ZBTB7C: variants seen among roughly 807,000 people sequenced by gnomAD.
ZBTB7C encodes zinc finger and BTB domain containing 7C, also known as zinc finger and BTB domain-containing protein 7C.
ZBTB7C carries 8 observed loss-of-function variants against 25.7 expected under a neutral mutation model. That is an observed-to-expected ratio of 0.31 (90% CI 0.18 to 0.56). The LOEUF is 0.56. Ranked by LOEUF, ZBTB7C falls within the 20% of genes least tolerant of loss-of-function variation. The pLI, the probability that ZBTB7C is intolerant of heterozygous loss-of-function variation, is 0.91. For synonymous variants in ZBTB7C, 394 were observed against 369.0 expected, an observed-to-expected ratio of 1.07 and a Z score of -0.78; for missense variants, 824 against 855.2, an observed-to-expected ratio of 0.96 and a Z score of 0.46.
chr18:48,286,574 TAAGAAAAAGTTGATAAAAATACA>T (rs1420597994), intron 2 of ZBTB7C, among the ~76,000 whole-genome samples: 1 of 152,098 alleles, frequency 6.6e-6, no homozygotes, highest in Non-Finnish European at 1.5e-5. Flanking sequence ...CAAAATATGT[TAAGAAAAAGTTGATAAAAATACA>T]AAGAGAAATG....
chr18:48,264,966 G>C (rs1008781456), intron 2 of ZBTB7C, among the ~76,000 whole-genome samples: 1 of 152,210 alleles, frequency 6.6e-6, no homozygotes, highest in Admixed American at 6.5e-5. Context: ...GGAAGGTCAC[G>C]GTGAAGTGAG....
intron 3 of ZBTB7C, among the ~76,000 whole-genome samples, chr18:48,079,425 A>C (rs1178350559): frequency 6.6e-6 from 1 of 152,252 alleles, no homozygotes; most frequent in Non-Finnish European, 1.5e-5. Context: ...CCACTATCCC[A>C]TCTCAGAGAT....
intron 3 of ZBTB7C, among the ~76,000 whole-genome samples, chr18:48,178,191 T>C (rs1204328040): frequency 6.6e-6 from 1 of 152,228 alleles, no homozygotes; most frequent in South Asian, 2.1e-4. Context: ...GCCACCTGTT[T>C]CCTGCCATGC....
chr18:48,135,882 G>A (rs1050210192), intron 3 of ZBTB7C, among the ~76,000 whole-genome samples: 22 of 152,234 alleles, frequency 1.4e-4, no homozygotes, highest in Admixed American at 1.2e-3. Flanking sequence ...CCAATAAGTC[G>A]CTGGAGTGGG....
At chr18:48,235,444 A>G (rs944906118) in intron 2 of ZBTB7C, among the ~76,000 whole-genome samples, 4 of 152,062 alleles carry the variant, frequency 2.6e-5, no homozygotes, top group Admixed American at 2.6e-4. Context: ...ATTTCATTCT[A>G]TGTTATATAT....
intron 3 of ZBTB7C, among the ~76,000 whole-genome samples, chr18:48,098,941 G>A (rs1568216804): frequency 6.6e-6 from 1 of 152,196 alleles, no homozygotes; most frequent in Non-Finnish European, 1.5e-5. Context: ...AAAGCCAGGA[G>A]ACAAAGAAAC....
rs200737375 is a variant in ZBTB7C at position 48,149,157 on chromosome 18, CGT to C, written c.-17+36775_-17+36776del. On this transcript the variant is annotated intron_variant, in intron 3 of 4. Transcript: ENST00000590800. ...GTGTGCGCGCGTGTGTGTGCACGCA[CGT>C]GTGTGCGAGTGTGTGCATGTGTGTG... 6.0e-3 allele frequency: 901 copies of C among 150,918 alleles called. 4 individuals carry two copies. Among genetic ancestry groups the C allele is most frequent in the Non-Finnish European group, 7.8e-3 (530 of 67,534 alleles). The allele number at this position is 150,918 out of a possible 1,614,324, so 9.3% of individuals were successfully genotyped here. A position where few individuals can be genotyped will look rare whatever the true frequency, so the allele number is the denominator to read the frequency against.
chr18:48,202,060 C>G (rs2042463271), intron 2 of ZBTB7C, among the ~76,000 whole-genome samples: 1 of 152,220 alleles, frequency 6.6e-6, no homozygotes, highest in African/African-American at 2.4e-5. Context: ...ACGTGCAGGT[C>G]AGCGGAGAGC....
At chr18:48,163,474 A>T (rs921392705) in intron 3 of ZBTB7C, among the ~76,000 whole-genome samples, 1 of 152,186 alleles carries the variant, frequency 6.6e-6, no homozygotes, top group African/African-American at 2.4e-5. Context: ...ACTGGCTGGG[A>T]GCCCTCTTGG....
chr18:48,052,828 C>T (rs1418058197), intron 3 of ZBTB7C, among the ~76,000 whole-genome samples: 1 of 152,144 alleles, frequency 6.6e-6, no homozygotes, highest in Non-Finnish European at 1.5e-5. Context: ...CCTTGCTGCC[C>T]ACACATGAAT....
At chr18:48,054,032 G>A (rs749829453) in intron 3 of ZBTB7C, among the ~76,000 whole-genome samples, 1 of 152,202 alleles carries the variant, frequency 6.6e-6, no homozygotes. Flanking sequence ...GGGAGTTTGC[G>A]GTGCTGGGTT....
At chr18:48,298,391 G>A (rs2045456926) in intron 2 of ZBTB7C, among the ~76,000 whole-genome samples, 1 of 152,048 alleles carries the variant, frequency 6.6e-6, no homozygotes, top group Non-Finnish European at 1.5e-5. Context: ...GATCAGGGAA[G>A]ATGACAGTGG....
At chr18:48,170,996 C>T (rs983927936) in intron 3 of ZBTB7C, among the ~76,000 whole-genome samples, 2 of 152,204 alleles carry the variant, frequency 1.3e-5, no homozygotes. Flanking sequence ...CTGCCTATAG[C>T]CTACACTCAA....
chr18:48,319,377 G>T (rs755931640), intron 2 of ZBTB7C, among the ~76,000 whole-genome samples: 1 of 152,102 alleles, frequency 6.6e-6, no homozygotes, highest in Non-Finnish European at 1.5e-5. Context: ...TTTCCTATCC[G>T]TTAAATGGGG....
intron 3 of ZBTB7C, among the ~76,000 whole-genome samples, chr18:48,145,888 A>C (rs2040484725): frequency 6.6e-6 from 1 of 152,272 alleles, no homozygotes; most frequent in Admixed American, 6.5e-5. Flanking sequence ...AGAAATATAG[A>C]AACTAATCCA....
At chr18:48,240,868 A>C (rs1300994930) in intron 2 of ZBTB7C, among the ~76,000 whole-genome samples, 1 of 152,250 alleles carries the variant, frequency 6.6e-6, no homozygotes, top group Non-Finnish European at 1.5e-5. Flanking sequence ...CATTGAATGT[A>C]AATGGTCTAA....
At chr18:48,148,473 G>A (rs1332075839) in intron 3 of ZBTB7C, 3 of 152,192 alleles carry the variant, frequency 2.0e-5, no homozygotes, top group African/African-American at 7.2e-5. Context: ...GATATGACCA[G>A]ACAGTCTTAA....
At chr18:48,127,884 GGAGA>G (rs2039858340) in intron 3 of ZBTB7C, among the ~76,000 whole-genome samples, 1 of 152,172 alleles carries the variant, frequency 6.6e-6, no homozygotes, top group Non-Finnish European at 1.5e-5. Context: ...GAGAAGGGAG[GGAGA>G]AAGAGGCAGC....
At chr18:48,084,318 T>TC (rs1322700565) in intron 3 of ZBTB7C, among the ~76,000 whole-genome samples, 3 of 152,164 alleles carry the variant, frequency 2.0e-5, no homozygotes, top group African/African-American at 7.2e-5. Context: ...TGCCATCCCC[T>TC]CCCCACGATG....
Sources: gnomAD v4.1 joint callset for allele counts (sites outside exome capture counted in the v4.1 genomes callset) on GRCh38, gnomAD v4.1.1 for gene constraint, MANE v1.5 for transcripts, NCBI Gene and HGNC (gene_info 2026-07-23, HGNC 2026-07-21) for gene names.